ARRB1: variants seen among roughly 807,000 people sequenced by gnomAD.
The protein encoded by ARRB1 is arrestin beta 1, also known as beta-arrestin-1.
Under a neutral mutation model 56.8 loss-of-function variants are expected in ARRB1, and 21 were observed. That is an observed-to-expected ratio of 0.37 (90% confidence interval 0.26 to 0.53). The LOEUF (loss-of-function observed/expected upper bound fraction) is 0.53. Ranked by LOEUF, ARRB1 falls within the 20% of genes least tolerant of loss-of-function variation. ARRB1 has a pLI of 0.88. For missense variants in ARRB1, 424 were observed against 553.7 expected, an observed-to-expected ratio of 0.77 and a Z score of 2.35; for synonymous variants, 210 against 218.6, an observed-to-expected ratio of 0.96 and a Z score of 0.35.
intron 1 of ARRB1, among the ~76,000 whole-genome samples, chr11:75,327,301 C>CAAAAAAA (rs777940901): frequency 1.7e-5 from 1 of 60,230 alleles, no homozygotes; most frequent in Non-Finnish European, 3.0e-5. Flanking sequence ...AACTCCATCT[C>CAAAAAAA]AAAAAAAAAA....
At position 75,293,373 on chromosome 11, in the gene ARRB1, C is replaced by T. The variant is rs1212138204; in HGVS notation, c.21-3334G>A. Among the ~76,000 whole-genome samples the T allele has an allele frequency of 3.9e-5, 6 of 152,304 alleles. No homozygotes were observed. The South Asian group carries it at 1.2e-3, about 32-fold the overall frequency. ...CCCATGTCCTTTCCACTCTGTGACA[C>T]TGCCAAGCCCTCTGTGATAAAACTC... is the stretch of plus-strand genomic sequence containing the variant. On this transcript the variant is annotated intron_variant, in intron 1 of 15. Transcript: ENST00000420843.
chr11:75,319,593 G>A (rs112543856), intron 1 of ARRB1, among the ~76,000 whole-genome samples: 1,792 of 152,232 alleles, frequency 0.012, 31 homozygotes, highest in African/African-American at 0.042. Flanking sequence ...GTCACCCTGC[G>A]ATTTCCTGGC....
At position 75,293,139 on chromosome 11, in the gene ARRB1, T is replaced by C. The variant is rs1196351023; in HGVS notation, c.21-3100A>G. Among the ~76,000 whole-genome samples the C allele has an allele frequency of 2.0e-5, 3 of 152,066 alleles. No individual in the cohort carries two copies. The East Asian group carries it at 5.8e-4, about 29-fold the overall frequency. The stretch of plus-strand genomic sequence containing the variant: ...GGGGAATGACCTGCTGCTAACCTTG[T>C]CAGCACCAGGACCACCTCCTTCAGG... On this transcript the variant is annotated intron_variant, in intron 1 of 15. Transcript: ENST00000420843.
chr11:75,268,457 ATCACG>A (rs1162444071), intron 14 of ARRB1, among the ~76,000 whole-genome samples: 1 of 148,562 alleles, frequency 6.7e-6, no homozygotes, highest in African/African-American at 2.5e-5. Context: ...GTGAGCTAAG[ATCACG>A]TCACTGCACT....
chr11:75,348,140 C>T (rs12797588), intron 1 of ARRB1, among the ~76,000 whole-genome samples: 38,365 of 152,126 alleles, frequency 0.25, 5,821 homozygotes, highest in African/African-American at 0.42. Flanking sequence ...TGCTGGTGAC[C>T]GGTCTGTGTT....
intron 1 of ARRB1, among the ~76,000 whole-genome samples, chr11:75,327,154 T>C (rs925974760): frequency 2.6e-5 from 4 of 151,396 alleles, no homozygotes; most frequent in Non-Finnish European, 1.5e-5. Context: ...TACAAAAAAT[T>C]AGCTGGGCGC....
chr11:75,303,543 CTCCTT>C (rs1402442698), intron 1 of ARRB1: 1 of 455,574 alleles, frequency 2.2e-6, no homozygotes, highest in East Asian at 7.0e-5. Context: ...TCTTATTTCC[CTCCTT>C]TCTTTTCTTC....
chr11:75,347,833 A>G (rs555713468), intron 1 of ARRB1, among the ~76,000 whole-genome samples: 6 of 152,150 alleles, frequency 3.9e-5, no homozygotes, highest in Non-Finnish European at 8.8e-5. Context: ...CAAAGGTCCA[A>G]TCGACCAGCA....
At position 75,278,698 on chromosome 11, in the gene ARRB1, T is replaced by C; in HGVS notation, c.529A>G (p.Arg177Gly). The change falls in exon 8 of 16, where the codon AGG (arginine) becomes GGG (glycine). Residue 177 changes from arginine to glycine, a missense_variant. Physicochemically the swap from Arg to Gly is moderately radical, Grantham distance 125. Transcript: ENST00000420843. Reference sequence around the variant, plus strand: ...TCGGCTGTGGGCTGGGGGCCAGGCCTCTCTGGGGCATACTGAACCTTCCGG... The same window carrying C: ...TCGGCTGTGGGCTGGGGGCCAGGCCCCTCTGGGGCATACTGAACCTTCCGG... ...VIRKVQYAPE[R>G]PGPQPTAETT... is the part of the protein sequence containing the mutation. 1.2e-6 allele frequency: 2 copies of C among 1,613,982 alleles called. No homozygotes were observed. The highest frequency in any genetic ancestry group is 1.7e-6 in the Non-Finnish European group (2 of 1,179,914).
At chr11:75,284,359 C>A in intron 3 of ARRB1, 80 bp from the exon 4 acceptor site, 1 of 1,369,186 alleles carries the variant, frequency 7.3e-7, no homozygotes, top group Non-Finnish European at 1.0e-6. Context: ...AGCCCAAGCC[C>A]AGATCCAACC....
intron 1 of ARRB1, among the ~76,000 whole-genome samples, chr11:75,330,402 T>C (rs1565143117): frequency 6.6e-6 from 1 of 150,542 alleles, no homozygotes; most frequent in Admixed American, 6.6e-5. Flanking sequence ...GATCCTCTAA[T>C]CTCTCTGTTC....
At chr11:75,332,863 C>G (rs185836585) in intron 1 of ARRB1, among the ~76,000 whole-genome samples, 10 of 152,146 alleles carry the variant, frequency 6.6e-5, no homozygotes, top group Non-Finnish European at 1.2e-4. Context: ...CCACTGCACT[C>G]TGGCCTGGGC....
intron 5 of ARRB1, 78 bp downstream of exon 5, chr11:75,283,209 G>T: frequency 1.4e-6 from 2 of 1,445,934 alleles, no homozygotes; most frequent in Non-Finnish European, 9.3e-7. Context: ...GACCCTCACC[G>T]CCCTCTTATG....
rs557612206 is a variant in ARRB1 at position 75,293,338 on chromosome 11, G to A, written c.21-3299C>T. ...CACCAAGGTGAAGCATGGTCTGCCT[G>A]TCTCCCGAGCCCATGTCCTTTCCAC... is the stretch of plus-strand genomic sequence containing the variant. On this transcript the variant is annotated intron_variant, in intron 1 of 15. Transcript: ENST00000420843. 3.3e-5 allele frequency among the ~76,000 whole-genome samples: 5 copies of A among 152,266 alleles called. No individual in the cohort carries two copies. The South Asian group carries it at 1.0e-3, about 32-fold the overall frequency.
intron 13 of ARRB1, 74 bp downstream of exon 13, chr11:75,271,627 T>G (rs1946075163): frequency 2.0e-6 from 3 of 1,467,448 alleles, no homozygotes; most frequent in Non-Finnish European, 2.8e-6. Context: ...TGCCCTGTGA[T>G]TCTGGTCAGT....
At chr11:75,347,886 A>T (rs1938226541) in intron 1 of ARRB1, among the ~76,000 whole-genome samples, 1 of 151,384 alleles carries the variant, frequency 6.6e-6, no homozygotes, top group African/African-American at 2.4e-5. Context: ...ATATTTCTCA[A>T]CTCTATCCTC....
At chr11:75,305,606 G>A (rs1359404379) in intron 1 of ARRB1, among the ~76,000 whole-genome samples, 3 of 152,090 alleles carry the variant, frequency 2.0e-5, no homozygotes, top group Non-Finnish European at 2.9e-5. Context: ...GTTGTTACCA[G>A]CACACTGTTG....
At chr11:75,319,034 G>A (rs1947305624) in intron 1 of ARRB1, among the ~76,000 whole-genome samples, 1 of 152,104 alleles carries the variant, frequency 6.6e-6, no homozygotes, top group Non-Finnish European at 1.5e-5. Flanking sequence ...CTTTATTATA[G>A]AAACAACTGT....
In ARRB1 at chr11:75,263,378, C is replaced by T. The variant is rs937442631; in HGVS notation, c.*2785G>A. On this transcript the variant is annotated 3_prime_UTR_variant, in exon 16 of 16. Coordinates refer to ENST00000420843, the MANE Select transcript of ARRB1 (RefSeq NM_004041.5). ...GCCTGTGTGTCCCTCGAGGCTGCAG[C>T]GTATGGCCGTGCAGCAGGGCACCTC... Among the ~76,000 whole-genome samples the T allele has an allele frequency of 1.3e-5, 2 of 152,226 alleles. No homozygotes were observed. Among genetic ancestry groups the T allele is most frequent in the Non-Finnish European group, 1.5e-5 (1 of 68,038 alleles).
Sources: gnomAD v4.1 joint callset for allele counts (sites outside exome capture counted in the v4.1 genomes callset) on GRCh38, gnomAD v4.1.1 for gene constraint, MANE v1.5 for transcripts, NCBI Gene and HGNC (gene_info 2026-07-23, HGNC 2026-07-21) for gene names.